The following ATXN10 variants were observed in gnomAD, a reference collection of about 807,000 sequenced individuals.
ATXN10 encodes the protein ataxin 10.
Under a neutral mutation model 52.9 loss-of-function variants are expected in ATXN10, and 28 were observed. The ratio of observed to expected loss-of-function variants is 0.53; its 90% CI spans 0.39 to 0.73. The LOEUF is 0.73. Ranked by LOEUF, ATXN10 falls within the 30% of genes least tolerant of loss-of-function variation. ATXN10 has a pLI of 0.00. For missense variants in ATXN10, 565 were observed against 577.0 expected, an observed-to-expected ratio of 0.98 and a Z score of 0.21; for synonymous variants, 226 against 221.5, an observed-to-expected ratio of 1.02 and a Z score of -0.18.
At chr22:45,760,002 A>G (rs574074317) in intron 9 of ATXN10, among the ~76,000 whole-genome samples, 2 of 152,180 alleles carry the variant, frequency 1.3e-5, no homozygotes, top group Non-Finnish European at 2.9e-5. Flanking sequence ...CAGGGGAATG[A>G]TGGCCCTAAG....
At position 45,678,699 on chromosome 22, in the gene ATXN10, A is replaced by G. The variant is rs1450271874; in HGVS notation, c.116+6520A>G. 2.6e-5 allele frequency: 4 copies of G among 152,216 alleles called. No individual in the cohort carries two copies. The highest frequency in any genetic ancestry group is 2.6e-4 in the Admixed American group (4 of 15,278). The allele number at this position is 152,216 out of a possible 1,614,324, so 9.4% of individuals were successfully genotyped here. On this transcript the variant is annotated intron_variant, in intron 1 of 11. Coordinates refer to ENST00000252934, the MANE Select transcript of ATXN10 (RefSeq NM_013236.4). The surrounding 1 kb of genome is among the most constrained non-coding windows in gnomAD (Gnocchi z 4.1). ...AGAGCAATGAAGAGCCAGTAGCTCC[A>G]GTGAGCCAATCAGTAATTACTCAAA...
chr22:45,775,632 T>G lies in ATXN10; in HGVS notation c.1174-31327T>G, dbSNP rs972570497. The stretch of plus-strand genomic sequence containing the variant: ...AGTGTTAGCCTGTGTAATGACACTG[T>G]TTTTCTCCTTCGTGTGACTATTTAT... On this transcript the variant is annotated intron_variant, in intron 9 of 11. Transcript: ENST00000252934. The surrounding 1 kb of genome is among the most constrained non-coding windows in gnomAD (Gnocchi z 4.7). 1.4e-4 allele frequency among the ~76,000 whole-genome samples: 21 copies of G among 152,146 alleles called. No individual in the cohort carries two copies. The highest frequency in any genetic ancestry group is 4.8e-4 in the African/African-American group (20 of 41,410).
intron 9 of ATXN10, among the ~76,000 whole-genome samples, chr22:45,751,763 A>AAAATAATAATAATAATAAT: frequency 6.0e-5 from 4 of 66,626 alleles, no homozygotes; most frequent in Non-Finnish European, 2.9e-5. Context: ...AATAAAAAAA[A>AAAATAATAATAATAATAAT]AATAATAATA....
At chr22:45,738,979 G>GTGT in intron 8 of ATXN10, 140 bp downstream of exon 8, 1 of 794,122 alleles carries the variant, frequency 1.3e-6, no homozygotes, top group Non-Finnish European at 2.1e-6. Context: ...AGGAATCACA[G>GTGT]TGTTGTAACA....
In ATXN10 at chr22:45,700,266, T is replaced by C. The variant is rs1400343723; in HGVS notation, c.392-16T>C. The stretch of plus-strand genomic sequence containing the variant: ...AATCATTTATTTATTTATTTATAAC[T>C]TTTATATATTCTTAGCTTTTCGCTG... On this transcript the variant is annotated splice_polypyrimidine_tract_variant and intron_variant, in intron 3 of 11. Transcript: ENST00000252934. The C allele has an allele frequency of 8.5e-6, 13 of 1,538,254 alleles. No individual in the cohort carries two copies. In the South Asian group the frequency reaches 1.4e-4, roughly 16 times the overall value.
chr22:45,715,852 A>G lies in ATXN10; in HGVS notation c.648-2561A>G, dbSNP rs1924425181. On this transcript the variant is annotated intron_variant, in intron 5 of 11. Transcript: ENST00000252934. This position sits in a 1 kb window ranked among gnomAD's most constrained non-coding sequence, Gnocchi z 4.4. ...AGCACATTCTCTTACTCATAAGATG[A>G]TTTCTAGAAAAATTCCAAACTTTTG... Among the ~76,000 whole-genome samples the G allele has an allele frequency of 6.6e-6, 1 of 152,248 alleles. No individual in the cohort carries two copies. The highest frequency in any genetic ancestry group is 2.4e-5 in the African/African-American group (1 of 41,456).
rs1412750734 is a variant in ATXN10 at position 45,679,047 on chromosome 22, C to T, written c.116+6868C>T. The T allele has an allele frequency of 4.6e-5, 7 of 152,060 alleles. No individual in the cohort carries two copies. In the East Asian group the frequency reaches 1.2e-3, roughly 25 times the overall value. 9.4% of individuals were successfully genotyped at this position (152,060 alleles called of 1,614,324 possible). ...TCATTTTCCCTCAAGGTTGAGTTAC[C>T]ATTTCACTTCCTTTTGAAAGCCGTT... On this transcript the variant is annotated intron_variant, in intron 1 of 11. Transcript: ENST00000252934.
chr22:45,743,133 G>A (rs1455130453), intron 9 of ATXN10, among the ~76,000 whole-genome samples: 4 of 152,206 alleles, frequency 2.6e-5, no homozygotes, highest in African/African-American at 9.7e-5. Flanking sequence ...GGAAGTCGAT[G>A]GTGTGTCCTG....
chr22:45,843,679 AC>A lies in ATXN10; in HGVS notation c.*9del, dbSNP rs1455058396. ...TTTCTTCTTCTTTAGTGAATGAACT[AC>A]ATCCAAATACCTGAATTTTTGGAAT... is the stretch of plus-strand genomic sequence containing the variant. On this transcript the variant is annotated 3_prime_UTR_variant, in exon 12 of 12. Coordinates refer to ENST00000252934, the MANE Select transcript of ATXN10 (RefSeq NM_013236.4). The surrounding 1 kb of genome is among the most constrained non-coding windows in gnomAD (Gnocchi z 4.5). The A allele has an allele frequency of 6.2e-7, 1 of 1,611,430 alleles. No individual in the cohort carries two copies. The highest frequency in any genetic ancestry group is 8.5e-7 in the Non-Finnish European group (1 of 1,178,262).
chr22:45,824,507 A>G lies in ATXN10; in HGVS notation c.1237+17485A>G. On this transcript the variant is annotated intron_variant, in intron 10 of 11. Transcript: ENST00000252934. The surrounding 1 kb of genome is among the most constrained non-coding windows in gnomAD (Gnocchi z 5.2). The stretch of plus-strand genomic sequence containing the variant: ...ACCATCTCTGCTGTGTCCCCCTTCC[A>G]TAGTGATTGTCTTTACTTTCCATCC... Among the ~76,000 whole-genome samples the G allele has an allele frequency of 6.6e-6, 1 of 152,164 alleles. No individual in the cohort carries two copies. The highest frequency in any genetic ancestry group is 1.9e-4 in the East Asian group (1 of 5,194).
rs1374038809 is a variant in ATXN10, at chr22:45,712,532, A to C, written c.648-5881A>C. Among the ~76,000 whole-genome samples the C allele has an allele frequency of 2.0e-5, 3 of 152,188 alleles. No homozygotes were observed. The highest frequency in any genetic ancestry group is 4.8e-5 in the African/African-American group (2 of 41,450). Reference sequence around the variant, plus strand: ...CCAGTGAGTGTTGGGCTGAGACTCAAACCCAGCTCTTTCTGAGACCAAAAT... The same window carrying C: ...CCAGTGAGTGTTGGGCTGAGACTCACACCCAGCTCTTTCTGAGACCAAAAT... On this transcript the variant is annotated intron_variant, in intron 5 of 11. Coordinates refer to ENST00000252934, the MANE Select transcript of ATXN10 (RefSeq NM_013236.4). This position sits in a 1 kb window ranked among gnomAD's most constrained non-coding sequence, Gnocchi z 4.6.
In ATXN10 at chr22:45,754,411, C is replaced by T. The variant is rs749486611; in HGVS notation, c.1173+13873C>T. ...CTATTGATGACAGCAGTCACAGTGA[C>T]CTTCCATGAATGCCTCCTGCATGTG... On this transcript the variant is annotated intron_variant, in intron 9 of 11. Coordinates refer to ENST00000252934, the MANE Select transcript of ATXN10 (RefSeq NM_013236.4). The surrounding 1 kb of genome is among the most constrained non-coding windows in gnomAD (Gnocchi z 5.4). Among the ~76,000 whole-genome samples, 3 of 152,154 alleles carry T rather than the reference C, an allele frequency of 2.0e-5. No individual in the cohort carries two copies. The highest frequency in any genetic ancestry group is 2.4e-5 in the African/African-American group (1 of 41,428).
In ATXN10 at chr22:45,842,872, T is replaced by C. The variant is rs900980321; in HGVS notation, c.1238-119T>C. 37 of 1,154,308 alleles carry C rather than the reference T, an allele frequency of 3.2e-5. No individual in the cohort carries two copies. The highest frequency in any genetic ancestry group is 4.1e-5 in the Non-Finnish European group (32 of 775,814). 71.5% of individuals were successfully genotyped at this position (1,154,308 alleles called of 1,614,324 possible). ...TCAGAGAATGCATCCTCAAGAAAAC[T>C]TGTGGATTGATACTGGATGTTCCGT... On this transcript the variant is annotated intron_variant, in intron 10 of 11. Coordinates refer to ENST00000252934, the MANE Select transcript of ATXN10 (RefSeq NM_013236.4). The surrounding 1 kb of genome is among the most constrained non-coding windows in gnomAD (Gnocchi z 4.8).
Position 45,839,474 on chromosome 22 carries a change from G to C in ATXN10, c.1238-3517G>C, listed in dbSNP as rs1481352241. 2.6e-5 allele frequency among the ~76,000 whole-genome samples: 4 copies of C among 152,330 alleles called. 1 individual carries two copies. In the South Asian group the frequency reaches 6.2e-4, roughly 24 times the overall value. ...CCAGCTGCAACCAGTGTCCCTGTTTGAGGGAGACACCTGGCAGCCCTTCAT... is the reference window on the plus strand; with the variant it reads ...CCAGCTGCAACCAGTGTCCCTGTTTCAGGGAGACACCTGGCAGCCCTTCAT... On this transcript the variant is annotated intron_variant, in intron 10 of 11. Transcript: ENST00000252934.
intron 10 of ATXN10, among the ~76,000 whole-genome samples, chr22:45,817,318 CTTTTTTTT>C (rs11326332): frequency 1.0e-5 from 1 of 98,708 alleles, no homozygotes. Context: ...ATTGATTTAA[CTTTTTTTT>C]TTTTTTTTTT....
At chr22:45,813,217 G>T (rs1322971037) in intron 10 of ATXN10, among the ~76,000 whole-genome samples, 2 of 151,978 alleles carry the variant, frequency 1.3e-5, no homozygotes, top group African/African-American at 2.4e-5. Flanking sequence ...TCAGTTTATT[G>T]TGGGATTTTT....
chr22:45,793,930 G>A (rs530726967), intron 9 of ATXN10, among the ~76,000 whole-genome samples: 2 of 152,372 alleles, frequency 1.3e-5, no homozygotes, highest in Admixed American at 1.3e-4. Flanking sequence ...GAGCAGGGCT[G>A]CCCTATAGGC....
rs1017815571 is a variant in ATXN10 at position 45,690,675 on chromosome 22, A to G, written c.308+772A>G. ...GACCTGTCTTTCCTAAAGATCATGTAAAGTTCCAAGCTCTGCTTCCACCTA... is the reference window on the plus strand; with the variant it reads ...GACCTGTCTTTCCTAAAGATCATGTGAAGTTCCAAGCTCTGCTTCCACCTA... On this transcript the variant is annotated intron_variant, in intron 2 of 11. Transcript: ENST00000252934. This position sits in a 1 kb window ranked among gnomAD's most constrained non-coding sequence, Gnocchi z 4.5. Among the ~76,000 whole-genome samples, 1 of 152,238 alleles carries G rather than the reference A, an allele frequency of 6.6e-6. No homozygotes were observed. Among genetic ancestry groups the G allele is most frequent in the Non-Finnish European group, 1.5e-5 (1 of 68,046 alleles).
Position 45,816,106 on chromosome 22 carries a change from C to A in ATXN10, c.1237+9084C>A, listed in dbSNP as rs572909867. ...CTCCTAAAAATACAAAAAAAAAATT[C>A]GCTAGGCGTGGTGGCACGCACCCTT... On this transcript the variant is annotated intron_variant, in intron 10 of 11. Transcript: ENST00000252934. The surrounding 1 kb of genome is among the most constrained non-coding windows in gnomAD (Gnocchi z 5.8). Among the ~76,000 whole-genome samples, 5 of 151,700 alleles carry A rather than the reference C, an allele frequency of 3.3e-5. No homozygotes were observed. Among genetic ancestry groups the A allele is most frequent in the African/African-American group, 1.2e-4 (5 of 41,286 alleles).
Sources: allele counts gnomAD v4.1 joint callset (sites outside exome capture counted in the v4.1 genomes callset), GRCh38; gene constraint gnomAD v4.1.1; non-coding constraint Gnocchi (gnomAD v3.1); transcripts MANE v1.5; gene names NCBI Gene and HGNC (gene_info 2026-07-23, HGNC 2026-07-21).